Variants in KCNIP3 observed in about 807,000 individuals in gnomAD.
The protein encoded by KCNIP3 is calsenilin.
KCNIP3 carries 28 observed loss-of-function variants against 35.0 expected under a neutral mutation model. That is an observed-to-expected ratio of 0.80 (90% CI 0.59 to 1.10). The LOEUF (loss-of-function observed/expected upper bound fraction) is 1.10, where lower values mean the gene tolerates loss of function less well. Ranked by LOEUF, KCNIP3 falls within the 50% of genes least tolerant of loss-of-function variation. The pLI is 0.00. For missense variants in KCNIP3, 295 were observed against 338.4 expected (o/e 0.87, Z 1.01); for synonymous variants, 134 against 133.8 (o/e 1.00, Z -0.01).
chr2:95,347,950 T>C (rs1679417498), intron 2 of KCNIP3, among the ~76,000 whole-genome samples: 5 of 152,228 alleles, frequency 3.3e-5, no homozygotes, highest in African/African-American at 1.2e-4. Context: ...AGCTTGCCCC[T>C]GCCTGGGAGC....
At chr2:95,335,979 G>A (rs905006664) in intron 2 of KCNIP3, among the ~76,000 whole-genome samples, 1 of 151,916 alleles carries the variant, frequency 6.6e-6, no homozygotes, top group African/African-American at 2.4e-5. Context: ...ATGCCTTTTT[G>A]TTCCTCTGTT....
rs1680477758 is a variant in KCNIP3, at chr2:95,385,508, C to T, written c.*1459C>T. 1.3e-5 allele frequency: 2 copies of T among 152,926 alleles called. No homozygotes were observed. Among genetic ancestry groups the T allele is most frequent in the African/African-American group, 4.8e-5 (2 of 41,450 alleles). The allele number at this position is 152,926 out of a possible 1,614,324, so 9.5% of individuals were successfully genotyped here. On this transcript the variant is annotated 3_prime_UTR_variant, in exon 9 of 9. Coordinates refer to ENST00000295225, the MANE Select transcript of KCNIP3 (RefSeq NM_013434.5). ...GGAACCCGGTCCCAGGCCGCATGGC[C>T]CCTCCAGGAACATTCCCACATAATA...
intron 2 of KCNIP3, among the ~76,000 whole-genome samples, chr2:95,351,568 T>C (rs529242382): frequency 1.3e-5 from 2 of 152,298 alleles, no homozygotes; most frequent in East Asian, 3.9e-4. Flanking sequence ...TGTGGGAAGC[T>C]CAGCAGCTCC....
intron 2 of KCNIP3, chr2:95,346,975 G>T (rs367782812): frequency 6.8e-7 from 1 of 1,473,740 alleles, no homozygotes; most frequent in Admixed American, 1.9e-5. Context: ...GCGCGTGGGC[G>T]AGGGGTGCGC....
chr2:95,370,472 G>C (rs1472224258), intron 2 of KCNIP3, among the ~76,000 whole-genome samples: 3 of 152,250 alleles, frequency 2.0e-5, no homozygotes, highest in Admixed American at 1.3e-4. Flanking sequence ...GGCTGAGCCA[G>C]TACTCCAGTT....
chr2:95,330,009 G>A (rs566169766), intron 2 of KCNIP3, among the ~76,000 whole-genome samples: 3 of 152,190 alleles, frequency 2.0e-5, no homozygotes, highest in Non-Finnish European at 4.4e-5. Flanking sequence ...TGGCCTCCCT[G>A]CCCTGCCTCT....
intron 1 of KCNIP3, among the ~76,000 whole-genome samples, chr2:95,299,397 A>AGGTG (rs1437493070): frequency 3.9e-5 from 6 of 152,152 alleles, no homozygotes; most frequent in Non-Finnish European, 7.4e-5. Context: ...TCAGGTTGGG[A>AGGTG]GGTGTTCTGA....
chr2:95,363,194 A>G (rs1679842568), intron 2 of KCNIP3, among the ~76,000 whole-genome samples: 1 of 152,148 alleles, frequency 6.6e-6, no homozygotes, highest in Non-Finnish European at 1.5e-5. Context: ...ATCTGTCCAG[A>G]ATCTTAGGTT....
chr2:95,330,772 T>C (rs374708730), intron 2 of KCNIP3, among the ~76,000 whole-genome samples: 7 of 152,278 alleles, frequency 4.6e-5, no homozygotes, highest in African/African-American at 9.6e-5. Flanking sequence ...GAACATCCCA[T>C]TGTGAAGCCG....
chr2:95,308,507 CAG>C (rs552347548), intron 1 of KCNIP3, among the ~76,000 whole-genome samples: 2 of 152,318 alleles, frequency 1.3e-5, no homozygotes, highest in South Asian at 4.1e-4. Flanking sequence ...GGATAGGCCT[CAG>C]GGGACCATGA....
At chr2:95,360,729 A>AATAG in intron 2 of KCNIP3, among the ~76,000 whole-genome samples, 1 of 152,236 alleles carries the variant, frequency 6.6e-6, no homozygotes, top group South Asian at 2.1e-4. Flanking sequence ...CATGGCGAAG[A>AATAG]ACAGACAGAC....
At chr2:95,325,770 CAT>C (rs370910684) in intron 2 of KCNIP3, among the ~76,000 whole-genome samples, 183 of 151,386 alleles carry the variant, frequency 1.2e-3, no homozygotes, top group African/African-American at 3.5e-3. Flanking sequence ...CATACACACT[CAT>C]ATACACACAC....
intron 2 of KCNIP3, among the ~76,000 whole-genome samples, chr2:95,355,513 A>G (rs1277686544): frequency 6.6e-5 from 10 of 152,030 alleles, no homozygotes; most frequent in South Asian, 4.2e-4. Context: ...AGCCTCCAAC[A>G]GGCCCTGATG....
intron 2 of KCNIP3, among the ~76,000 whole-genome samples, chr2:95,320,520 C>T (rs1265610077): frequency 1.3e-5 from 2 of 152,076 alleles, no homozygotes; most frequent in Admixed American, 6.5e-5. Flanking sequence ...CTCGGCCTGT[C>T]TCCCAGGTGC....
chr2:95,350,112 G>A (rs1339488405), intron 2 of KCNIP3, among the ~76,000 whole-genome samples: 2 of 152,154 alleles, frequency 1.3e-5, no homozygotes, highest in Non-Finnish European at 2.9e-5. Context: ...TCAAAGGCTC[G>A]CCCCTGTGGC....
chr2:95,352,028 C>T (rs1331052980), intron 2 of KCNIP3, among the ~76,000 whole-genome samples: 2 of 151,952 alleles, frequency 1.3e-5, no homozygotes, highest in Admixed American at 6.6e-5. Context: ...TTTGGGAGGC[C>T]GAGGTGGGCA....
intron 2 of KCNIP3, among the ~76,000 whole-genome samples, chr2:95,349,083 A>G (rs1340598212): frequency 6.6e-6 from 1 of 151,720 alleles, no homozygotes; most frequent in African/African-American, 2.4e-5. Flanking sequence ...TCTCTCACTC[A>G]GACACCCCCC....
intron 1 of KCNIP3, chr2:95,310,124 C>T (rs1457250059): frequency 1.1e-5 from 7 of 663,700 alleles, no homozygotes; most frequent in Non-Finnish European, 1.9e-5. Context: ...CCTGTCTGCC[C>T]CTCTTCCAGG....
rs372134820 is a variant in KCNIP3, at chr2:95,333,851, C to A, written c.181+23331C>A. ...GGGGGCGTCTCACTCCTGCCCAGCA[C>A]CCTGGCTGCTCCCCTGCTGCTTTCT... On this transcript the variant is annotated intron_variant, in intron 2 of 8. Transcript: ENST00000295225. 3.2e-4 allele frequency among the ~76,000 whole-genome samples: 49 copies of A among 152,306 alleles called. 1 individual carries two copies. Among genetic ancestry groups the A allele is most frequent in the African/African-American group, 1.1e-3 (46 of 41,558 alleles).
Sources: allele counts gnomAD v4.1 joint callset (sites outside exome capture counted in the v4.1 genomes callset), GRCh38; gene constraint gnomAD v4.1.1; transcripts MANE v1.5; gene names NCBI Gene and HGNC (gene_info 2026-07-23, HGNC 2026-07-21).